The following CCNB3 variants were observed in gnomAD, a reference collection of about 807,000 sequenced individuals.
CCNB3 encodes the protein G2/mitotic-specific cyclin-B3.
CCNB3 carries 12 observed loss-of-function variants against 68.0 expected under a neutral mutation model. The observed-to-expected ratio is 0.18, with a 90% confidence interval of 0.11 to 0.29. CCNB3 has a LOEUF of 0.29. CCNB3 is among the 10% of genes least tolerant of loss of function. The pLI is 1.00. For synonymous variants in CCNB3, 354 were observed against 388.9 expected (o/e 0.91, Z 1.06); for missense variants, 904 against 993.1 (o/e 0.91, Z 1.21).
At chrX:50,226,441 A>G (rs1935805827) in intron 1 of CCNB3, among the ~76,000 whole-genome samples, 2 of 76,275 alleles carry the variant, frequency 2.6e-5, no homozygotes, top group South Asian at 1.3e-3. Flanking sequence ...ATAAAAATAT[A>G]TATAGAATAT....
At chrX:50,228,840 T>C (rs1218049402) in intron 1 of CCNB3, among the ~76,000 whole-genome samples, 1 of 73,229 alleles carries the variant, frequency 1.4e-5, no homozygotes, top group Non-Finnish European at 2.4e-5. Flanking sequence ...ATAGAATACA[T>C]ATATAGAATA....
rs1442569066 is a variant in CCNB3, at chrX:50,228,834, A to G, written c.-113+23884A>G. Among the ~76,000 whole-genome samples the G allele has an allele frequency of 5.4e-5, 4 of 74,403 alleles. 1 individual carries two copies. The highest frequency in any genetic ancestry group is 2.2e-4 in the African/African-American group (4 of 18,268). 64.6% of individuals were successfully genotyped at this position (74,403 alleles called of 115,157 possible). A position where few individuals can be genotyped will look rare whatever the true frequency, so the allele number is the denominator to read the frequency against. On this transcript the variant is annotated intron_variant, in intron 1 of 12. Transcript: ENST00000376042. ...GAATATATATATAGAATATATATAG[A>G]ATACATATATAGAATATATATCTAG... is the stretch of plus-strand genomic sequence containing the variant.
chrX:50,341,710 C>T (rs1923156300), intron 8 of CCNB3: 1 of 114,144 alleles, frequency 8.8e-6, no homozygotes, highest in African/African-American at 3.2e-5. Context: ...TCTGGCTTCT[C>T]CAGTCCCTTA....
chrX:50,297,008 C>A (rs1936485643), intron 5 of CCNB3, among the ~76,000 whole-genome samples: 1 of 110,934 alleles, frequency 9.0e-6, no homozygotes, highest in African/African-American at 3.3e-5. Context: ...TGTTTGAGTT[C>A]ATTGTAGATT....
intron 9 of CCNB3, among the ~76,000 whole-genome samples, chrX:50,343,785 GTGTT>G (rs1288716104): frequency 2.7e-5 from 3 of 112,451 alleles, no homozygotes; most frequent in African/African-American, 9.7e-5. Flanking sequence ...GCTTTATACT[GTGTT>G]TGTGTTTTAA....
Position 50,346,704 on chromosome X carries a change from A to G in CCNB3, c.3707A>G (p.Tyr1236Cys). 1 of 1,211,145 alleles carries G rather than the reference A, an allele frequency of 8.3e-7. No individual in the cohort carries two copies. Among genetic ancestry groups the G allele is most frequent in the Non-Finnish European group, 1.1e-6 (1 of 894,908 alleles). Residue 1236 changes from tyrosine to cysteine, a missense_variant, in exon 10 of 13, where the codon TAT (tyrosine) becomes TGT (cysteine). Transcript: ENST00000376042. ...DDFVYICDDN[Y>C]QRSEVLSMEI... Reference sequence around the variant, plus strand: ...TTTGTGTACATCTGTGATGATAATTATCAGCGATCTGAGGTACTCAGCATG... The same window carrying G: ...TTTGTGTACATCTGTGATGATAATTGTCAGCGATCTGAGGTACTCAGCATG...
At chrX:50,220,802 A>G in intron 1 of CCNB3, among the ~76,000 whole-genome samples, 1 of 111,765 alleles carries the variant, frequency 8.9e-6, no homozygotes, top group Non-Finnish European at 1.9e-5. Flanking sequence ...TGAGTTATGG[A>G]GGAGTACCTC....
chrX:50,226,838 A>G (rs1441192426), intron 1 of CCNB3, among the ~76,000 whole-genome samples: 1 of 64,443 alleles, frequency 1.6e-5, no homozygotes, highest in African/African-American at 6.9e-5. Flanking sequence ...ATGAATATAT[A>G]TAGTATATAT....
intron 1 of CCNB3, among the ~76,000 whole-genome samples, chrX:50,228,120 A>C (rs1174454213): frequency 1.1e-5 from 1 of 90,609 alleles, no homozygotes; most frequent in Non-Finnish European, 2.1e-5. Flanking sequence ...TATATAAATA[A>C]TATATGAATA....
chrX:50,285,266 G>T lies in CCNB3; in HGVS notation c.96+7G>T. The T allele has an allele frequency of 8.5e-7, 1 of 1,174,376 alleles. No homozygotes were observed. The highest frequency in any genetic ancestry group is 1.2e-6 in the Non-Finnish European group (1 of 861,843). ...TCATGACCCATCTGAAAAGGTTAGA[G>T]CAAGCTGTCTTTCCCAACAATATCT... On this transcript the variant is annotated splice_region_variant and intron_variant, in intron 3 of 12. Coordinates refer to ENST00000376042, the MANE Select transcript of CCNB3 (RefSeq NM_033031.3).
chrX:50,228,092 T>A (rs1388792903), intron 1 of CCNB3, among the ~76,000 whole-genome samples: 1 of 85,469 alleles, frequency 1.2e-5, no homozygotes, highest in African/African-American at 4.4e-5. Flanking sequence ...TTAGAGAATA[T>A]ATATAATATA....
intron 8 of CCNB3, among the ~76,000 whole-genome samples, chrX:50,321,646 T>C (rs977284482): frequency 3.6e-5 from 4 of 111,626 alleles, no homozygotes; most frequent in African/African-American, 1.3e-4. Flanking sequence ...TTTTATTATA[T>C]ATTATTTGTC....
chrX:50,226,472 T>TAC (rs1238160184), intron 1 of CCNB3, among the ~76,000 whole-genome samples: 12 of 69,006 alleles, frequency 1.7e-4, no homozygotes, highest in African/African-American at 7.0e-4. Flanking sequence ...ATATAGAATA[T>TAC]ATATAAATAT....
At chrX:50,203,020 A>T (rs955790287), upstream of CCNB3, among the ~76,000 whole-genome samples, 1 of 111,932 alleles carries the variant, frequency 8.9e-6, no homozygotes, top group African/African-American at 3.2e-5. Flanking sequence ...ATATTGTATT[A>T]GTGTGTGAAG....
chrX:50,330,351 A>T (rs1353206425), intron 8 of CCNB3, among the ~76,000 whole-genome samples: 3 of 111,690 alleles, frequency 2.7e-5, no homozygotes, highest in African/African-American at 9.8e-5. Context: ...CCTGGAATGC[A>T]GCGCCAGACT....
At chrX:50,321,763 G>T (rs1389095129) in intron 8 of CCNB3, among the ~76,000 whole-genome samples, 1 of 110,502 alleles carries the variant, frequency 9.0e-6, no homozygotes, top group Non-Finnish European at 1.9e-5. Context: ...GGTTGTTCTT[G>T]CACATTAATT....
At chrX:50,330,095 C>T (rs1557217862) in intron 8 of CCNB3, among the ~76,000 whole-genome samples, 1 of 111,255 alleles carries the variant, frequency 9.0e-6, no homozygotes, top group Non-Finnish European at 1.9e-5. Context: ...ACTCAGGTGT[C>T]CAAAAACCGA....
chrX:50,346,515 C>T, intron 9 of CCNB3, 137 bp from the exon 10 acceptor site: 1 of 639,262 alleles, frequency 1.6e-6, no homozygotes, highest in South Asian at 3.2e-5. Flanking sequence ...CTCACATCAA[C>T]CAGAAGCTGA....
chrX:50,285,071 A>T (rs769981386), intron 2 of CCNB3, 56 bp from the exon 3 acceptor site: 32 of 672,900 alleles, frequency 4.8e-5, no homozygotes, highest in Non-Finnish European at 7.1e-6. Context: ...AAGAATTTTC[A>T]GAGAATTTAT....
Sources: gnomAD v4.1 joint callset for allele counts (sites outside exome capture counted in the v4.1 genomes callset) on GRCh38, gnomAD v4.1.1 for gene constraint, MANE v1.5 for transcripts, NCBI Gene and HGNC (gene_info 2026-07-23, HGNC 2026-07-21) for gene names.